The following TMEM181 variants were observed in gnomAD, a reference collection of about 807,000 sequenced individuals.
The protein encoded by TMEM181 is G protein-coupled receptor 178.
Under a neutral mutation model 71.9 loss-of-function variants are expected in TMEM181, and 39 were observed. That is an observed-to-expected ratio of 0.54 (90% CI 0.42 to 0.71). The LOEUF is 0.71. TMEM181 is among the 30% of genes least tolerant of loss of function. The pLI, the probability that TMEM181 is intolerant of heterozygous loss-of-function variation, is 0.00. For missense variants in TMEM181, 595 were observed against 583.0 expected (o/e 1.02, Z -0.21); for synonymous variants, 245 against 228.8 (o/e 1.07, Z -0.64).
intron 6 of TMEM181, among the ~76,000 whole-genome samples, chr6:158,596,097 A>G (rs1784375463): frequency 6.6e-6 from 1 of 151,596 alleles, no homozygotes; most frequent in Non-Finnish European, 1.5e-5. Context: ...AATTTTTTGT[A>G]TTTTTGTAGA....
chr6:158,595,477 G>A (rs1255818407), intron 6 of TMEM181, among the ~76,000 whole-genome samples: 1 of 152,174 alleles, frequency 6.6e-6, no homozygotes, highest in African/African-American at 2.4e-5. Context: ...TTGACCAAAA[G>A]ACTTGTATTT....
At chr6:158,623,322 C>A (rs1319419045) in intron 10 of TMEM181, among the ~76,000 whole-genome samples, 1 of 152,028 alleles carries the variant, frequency 6.6e-6, no homozygotes, top group African/African-American at 2.4e-5. Flanking sequence ...TGCAACTTTC[C>A]AATACTGATA....
rs1197836702 is a variant in TMEM181 at position 158,632,068 on chromosome 6, T to G, written c.*180T>G. The G allele has an allele frequency of 3.2e-6, 2 of 619,272 alleles. No homozygotes were observed. Among genetic ancestry groups the G allele is most frequent in the Non-Finnish European group, 5.6e-6 (2 of 357,402 alleles). The allele number at this position is 619,272 out of a possible 1,614,324, so 38.4% of individuals were successfully genotyped here. A position where few individuals can be genotyped will look rare whatever the true frequency, so the allele number is the denominator to read the frequency against. Reference sequence around the variant, plus strand: ...GTAAATTTAAATGTTTAGCCAAATTTATTGTCATGGTGGCTACGAGAAGAG... The same window carrying G: ...GTAAATTTAAATGTTTAGCCAAATTGATTGTCATGGTGGCTACGAGAAGAG... On this transcript the variant is annotated 3_prime_UTR_variant, in exon 17 of 17. Transcript: ENST00000684151.
chr6:158,562,771 C>G (rs1480845583), intron 1 of TMEM181, among the ~76,000 whole-genome samples: 1 of 152,130 alleles, frequency 6.6e-6, no homozygotes, highest in Non-Finnish European at 1.5e-5. Context: ...AAAATGATCT[C>G]TAGAAATAGT....
upstream of TMEM181, among the ~76,000 whole-genome samples, chr6:158,559,842 G>A (rs542083909): frequency 6.6e-6 from 1 of 152,360 alleles, no homozygotes; most frequent in African/African-American, 2.4e-5. Context: ...AGGAGTGAAT[G>A]AATGCGCTGT....
chr6:158,584,070 A>G, intron 4 of TMEM181, 26 bp downstream of exon 4: 1 of 1,559,154 alleles, frequency 6.4e-7, no homozygotes. Flanking sequence ...TTTTGGAATG[A>G]TTTTTCATTA....
intron 6 of TMEM181, among the ~76,000 whole-genome samples, chr6:158,604,922 TA>T (rs1784861103): frequency 1.3e-5 from 2 of 152,202 alleles, no homozygotes; most frequent in East Asian, 1.9e-4. Flanking sequence ...AAGTAAACTG[TA>T]CTAAATGTTA....
chr6:158,609,936 A>T (rs1352696631), intron 10 of TMEM181: 1 of 230,280 alleles, frequency 4.3e-6, no homozygotes, highest in Non-Finnish European at 9.5e-6. Flanking sequence ...CAGGTGGAGG[A>T]GTACGTCAGG....
At chr6:158,553,963 A>G (rs888243189) in intron 1 of TMEM181, among the ~76,000 whole-genome samples, 5 of 152,042 alleles carry the variant, frequency 3.3e-5, no homozygotes, top group Admixed American at 2.6e-4. Flanking sequence ...CTGGAGCGTA[A>G]TGGCACCATC....
At chr6:158,587,569 A>G (rs992823097) in intron 5 of TMEM181, among the ~76,000 whole-genome samples, 1 of 150,994 alleles carries the variant, frequency 6.6e-6, no homozygotes, top group Admixed American at 6.6e-5. Context: ...GGCTCAAGCA[A>G]TCCTCCTGCT....
chr6:158,588,890 A>G (rs1783936378), intron 5 of TMEM181, among the ~76,000 whole-genome samples: 4 of 152,236 alleles, frequency 2.6e-5, no homozygotes, highest in Admixed American at 2.6e-4. Context: ...GGGCAGCAGC[A>G]GGATGGTGGA....
chr6:158,625,055 G>C (rs532139895), intron 11 of TMEM181, 49 bp from the exon 12 acceptor site: 1 of 1,429,136 alleles, frequency 7.0e-7, no homozygotes, highest in African/African-American at 1.4e-5. Flanking sequence ...GGGAGGAGAA[G>C]GTCACAGAGG....
intron 11 of TMEM181, among the ~76,000 whole-genome samples, chr6:158,623,920 C>G (rs1786119133): frequency 6.6e-6 from 1 of 152,132 alleles, no homozygotes; most frequent in Admixed American, 6.6e-5. Flanking sequence ...GCCACCACAC[C>G]TGGGTAATTT....
At chr6:158,625,064 G>GGCCCTGTTCCGACTCAAGTGCT in intron 11 of TMEM181, 40 bp from the exon 12 acceptor site, 1 of 1,495,604 alleles carries the variant, frequency 6.7e-7, no homozygotes, top group Non-Finnish European at 9.3e-7. Flanking sequence ...AGGTCACAGA[G>GGCCCTGTTCCGACTCAAGTGCT]GCCCTGTTCC....
chr6:158,584,856 A>G (rs1783675758), intron 4 of TMEM181, among the ~76,000 whole-genome samples: 1 of 152,232 alleles, frequency 6.6e-6, no homozygotes, highest in Non-Finnish European at 1.5e-5. Context: ...GATTATCTCT[A>G]GGTGAAATTC....
intron 10 of TMEM181, among the ~76,000 whole-genome samples, chr6:158,616,845 G>A (rs572283789): frequency 2.0e-5 from 3 of 152,062 alleles, no homozygotes; most frequent in Non-Finnish European, 2.9e-5. Flanking sequence ...CAACTTGATC[G>A]TGGTGGATAA....
rs762874459 is a variant in TMEM181 at position 158,631,872 on chromosome 6, A to C, written c.1412A>C (p.Glu471Ala). The C allele has an allele frequency of 1.9e-6, 3 of 1,593,988 alleles. No individual in the cohort carries two copies. Among genetic ancestry groups the C allele is most frequent in the Admixed American group, 3.5e-5 (2 of 57,640 alleles). ...GQAIRAKYKE[E>A]SDSD The stretch of plus-strand genomic sequence containing the variant: ...GCCATCCGGGCCAAGTACAAGGAGG[A>C]GTCAGATAGTGACTGAGCCCCGGCC... Residue 471 changes from glutamate (E) to alanine (A), a missense_variant, in exon 17 of 17, where the codon GAG becomes GCG. Physicochemically the swap from Glu to Ala is moderately radical, Grantham distance 107. Transcript: ENST00000684151.
intron 6 of TMEM181, among the ~76,000 whole-genome samples, chr6:158,600,436 C>G (rs2128311945): frequency 6.8e-6 from 1 of 146,370 alleles, no homozygotes; most frequent in Admixed American, 7.0e-5. Context: ...AGGCGTGAGT[C>G]ACCGTGCCTG....
upstream of TMEM181, among the ~76,000 whole-genome samples, chr6:158,555,526 A>C (rs1415017225): frequency 6.6e-6 from 1 of 150,716 alleles, no homozygotes; most frequent in Non-Finnish European, 1.5e-5. Context: ...AAAAATAGAG[A>C]TAGAGAATTT....
Sources: gnomAD v4.1 joint callset for allele counts (sites outside exome capture counted in the v4.1 genomes callset) on GRCh38, gnomAD v4.1.1 for gene constraint, MANE v1.5 for transcripts, NCBI Gene and HGNC (gene_info 2026-07-23, HGNC 2026-07-21) for gene names.